The following SLC10A7 variants were observed in gnomAD, a reference collection of about 807,000 sequenced individuals.
The protein encoded by SLC10A7 is solute carrier family 10 member 7, also known as sodium/bile acid cotransporter 7.
A neutral mutation model predicts 43.2 loss-of-function variants in SLC10A7; 29 were observed. The ratio of observed to expected loss-of-function variants is 0.67; its 90% CI spans 0.50 to 0.92. The LOEUF (loss-of-function observed/expected upper bound fraction) is 0.92. Ranked by LOEUF, SLC10A7 falls within the 40% of genes least tolerant of loss-of-function variation. SLC10A7 has a pLI of 0.00. For missense variants in SLC10A7, 295 were observed against 403.2 expected, an observed-to-expected ratio of 0.73 and a Z score of 2.30; for synonymous variants, 152 against 144.8, an observed-to-expected ratio of 1.05 and a Z score of -0.35.
chr4:146,518,190 A>G lies in SLC10A7; in HGVS notation c.101-1070T>C, dbSNP rs529726146. 3.4e-4 allele frequency among the ~76,000 whole-genome samples: 51 copies of G among 151,942 alleles called. 3 individuals carry two copies. In the South Asian group the frequency reaches 9.7e-3, roughly 29 times the overall value. The stretch of plus-strand genomic sequence containing the variant: ...TGGCTTGAAGACCTAATGTGCTAAC[A>G]AAAAACAACATTCTTTCAAAAAATG... On this transcript the variant is annotated intron_variant, in intron 1 of 11. Coordinates refer to ENST00000335472, the MANE Select transcript of SLC10A7 (RefSeq NM_001029998.6).
chr4:146,444,231 T>A (rs1285738226), intron 4 of SLC10A7, among the ~76,000 whole-genome samples: 1 of 152,176 alleles, frequency 6.6e-6, no homozygotes, highest in Non-Finnish European at 1.5e-5. Flanking sequence ...CTACAAAAAA[T>A]GTACCTTTCC....
chr4:146,328,984 C>T lies in SLC10A7; in HGVS notation c.436-2988G>A, dbSNP rs76132201. Among the ~76,000 whole-genome samples, 482 of 152,176 alleles carry T rather than the reference C, an allele frequency of 3.2e-3. 4 individuals are homozygous for T. Among genetic ancestry groups the T allele is most frequent in the Non-Finnish European group, 4.1e-3 (282 of 67,984 alleles). On this transcript the variant is annotated intron_variant, in intron 5 of 11. Coordinates refer to ENST00000335472, the MANE Select transcript of SLC10A7 (RefSeq NM_001029998.6). ...AAAGGAGAAGGAAATTTATGAAATG[C>T]CTGAAAAAGAATTCAACATAATGAT...
intron 4 of SLC10A7, among the ~76,000 whole-genome samples, chr4:146,481,362 G>A (rs963029698): frequency 1.2e-4 from 18 of 152,172 alleles, no homozygotes; most frequent in Middle Eastern, 6.8e-3. Context: ...TGTGCCCCAC[G>A]CCCCACAAGC....
rs1199871503 is a variant in SLC10A7 at position 146,258,804 on chromosome 4, T to C, written c.881A>G (p.His294Arg). ...TACAGATATTAAAGAGAGATGCTCA[T>C]GGCCTGCAAACACGATCTTCAGCAT... ...IPMLKIVFAG[H>R]EHLSLISVPL... Residue 294 changes from histidine (H) to arginine (R), a missense_variant, in exon 11 of 12, where the codon CAT (histidine) becomes CGT (arginine). By Grantham distance (29) the His-to-Arg change is conservative. Coordinates refer to ENST00000335472, the MANE Select transcript of SLC10A7 (RefSeq NM_001029998.6). 2.5e-6 allele frequency: 4 copies of C among 1,610,030 alleles called. No individual in the cohort carries two copies. Among genetic ancestry groups the C allele is most frequent in the Non-Finnish European group, 3.4e-6 (4 of 1,179,118 alleles).
intron 5 of SLC10A7, among the ~76,000 whole-genome samples, chr4:146,397,635 G>T (rs1738928762): frequency 6.6e-6 from 1 of 152,162 alleles, no homozygotes; most frequent in African/African-American, 2.4e-5. Flanking sequence ...TTAAATTGCA[G>T]AGTGAGATCA....
At chr4:146,421,469 C>A (rs1242322117) in intron 5 of SLC10A7, among the ~76,000 whole-genome samples, 1 of 152,096 alleles carries the variant, frequency 6.6e-6, no homozygotes, top group Non-Finnish European at 1.5e-5. Flanking sequence ...CCATTTCTCC[C>A]AGTATAGCAC....
intron 4 of SLC10A7, among the ~76,000 whole-genome samples, chr4:146,444,941 A>C (rs1174134756): frequency 1.3e-5 from 2 of 152,164 alleles, no homozygotes; most frequent in Non-Finnish European, 2.9e-5. Context: ...AAGAACCATG[A>C]TTTCCAGAGT....
chr4:146,519,268 A>G (rs1220222635), intron 1 of SLC10A7, among the ~76,000 whole-genome samples: 2 of 143,062 alleles, frequency 1.4e-5, no homozygotes, highest in Admixed American at 7.3e-5. Context: ...AATATATAAC[A>G]TATTATATAC....
In SLC10A7 at chr4:146,338,461, G is replaced by A. The variant is rs1734040285; in HGVS notation, c.436-12465C>T. On this transcript the variant is annotated intron_variant, in intron 5 of 11. Coordinates refer to ENST00000335472, the MANE Select transcript of SLC10A7 (RefSeq NM_001029998.6). ...AGTGGCAGAATGGGAAGCAAGTCAT[G>A]CAGTCTGGTTCCAGAATCCAAGATC... Among the ~76,000 whole-genome samples the A allele has an allele frequency of 3.3e-5, 5 of 151,932 alleles. 1 individual carries two copies. In the South Asian group the frequency reaches 1.0e-3, roughly 31 times the overall value.
At chr4:146,372,376 C>T (rs1332638622) in intron 5 of SLC10A7, among the ~76,000 whole-genome samples, 1 of 151,198 alleles carries the variant, frequency 6.6e-6, no homozygotes, top group Non-Finnish European at 1.5e-5. Flanking sequence ...AACACTTGAG[C>T]CTGGGTAGTC....
intron 5 of SLC10A7, among the ~76,000 whole-genome samples, chr4:146,407,227 G>A (rs928858874): frequency 6.6e-6 from 1 of 152,110 alleles, no homozygotes; most frequent in Non-Finnish European, 1.5e-5. Flanking sequence ...CAGTTTTATT[G>A]AGGTATAATT....
intron 10 of SLC10A7, among the ~76,000 whole-genome samples, chr4:146,264,223 T>A (rs1386778084): frequency 6.6e-6 from 1 of 152,264 alleles, no homozygotes; most frequent in Non-Finnish European, 1.5e-5. Context: ...TTATTTTATG[T>A]TCTCTGAATT....
At chr4:146,259,303 A>G (rs1728072726) in intron 10 of SLC10A7, among the ~76,000 whole-genome samples, 1 of 152,222 alleles carries the variant, frequency 6.6e-6, no homozygotes, top group Non-Finnish European at 1.5e-5. Flanking sequence ...AAGATCATGT[A>G]TGGTATACAC....
intron 5 of SLC10A7, among the ~76,000 whole-genome samples, chr4:146,395,040 T>C (rs984159997): frequency 6.6e-6 from 1 of 152,184 alleles, no homozygotes; most frequent in East Asian, 1.9e-4. Flanking sequence ...CATGTTTCCA[T>C]GTCACCTCTC....
At chr4:146,363,132 A>G (rs1306393585) in intron 5 of SLC10A7, among the ~76,000 whole-genome samples, 1 of 152,150 alleles carries the variant, frequency 6.6e-6, no homozygotes, top group Non-Finnish European at 1.5e-5. Context: ...CAATTCACCT[A>G]TAAAAACACA....
At chr4:146,406,639 A>AC (rs112566775) in intron 5 of SLC10A7, among the ~76,000 whole-genome samples, 2,489 of 152,258 alleles carry the variant, frequency 0.016, 55 homozygotes, top group African/African-American at 0.056. Flanking sequence ...TAAGAAGCCA[A>AC]CCACCAGCCA....
intron 1 of SLC10A7, among the ~76,000 whole-genome samples, chr4:146,519,239 A>G (rs1738378590): frequency 7.0e-6 from 1 of 142,124 alleles, no homozygotes; most frequent in South Asian, 2.1e-4. Context: ...TATATTATAT[A>G]TAATAATATA....
At chr4:146,256,795 T>C in intron 11 of SLC10A7, 1 of 1,459,772 alleles carries the variant, frequency 6.9e-7, no homozygotes, top group Non-Finnish European at 9.3e-7. Flanking sequence ...ATCAGTACTG[T>C]GTGCAAAGCA....
chr4:146,428,182 A>C (rs1291942617), intron 5 of SLC10A7, among the ~76,000 whole-genome samples: 2 of 151,810 alleles, frequency 1.3e-5, no homozygotes, highest in East Asian at 3.9e-4. Context: ...CTAACTCAAA[A>C]ACAAACAAAC....
Sources: gnomAD v4.1 joint callset for allele counts (sites outside exome capture counted in the v4.1 genomes callset) on GRCh38, gnomAD v4.1.1 for gene constraint, MANE v1.5 for transcripts, NCBI Gene and HGNC (gene_info 2026-07-23, HGNC 2026-07-21) for gene names.